The following SPATA32 variants were observed in gnomAD, a reference collection of about 807,000 sequenced individuals.
SPATA32 encodes spermatogenesis-associated protein 32.
SPATA32 carries 28 observed loss-of-function variants against 35.4 expected under a neutral mutation model. The ratio of observed to expected loss-of-function variants is 0.79; its 90% CI spans 0.59 to 1.09. The LOEUF (loss-of-function observed/expected upper bound fraction) is 1.09, where lower values mean the gene tolerates loss of function less well. SPATA32 is among the 50% of genes least tolerant of loss of function. The pLI is 0.00. For missense variants in SPATA32, 409 were observed against 475.9 expected (o/e 0.86, Z 1.31); for synonymous variants, 168 against 196.3 (o/e 0.86, Z 1.20).
chr17:45,261,852 G>T, intron 1 of SPATA32, 152 bp downstream of exon 1: 1 of 858,712 alleles, frequency 1.2e-6, no homozygotes. Context: ...CTTTGGCGGC[G>T]GGTCGACCTG....
rs1306985534 is a variant in SPATA32, at chr17:45,256,282, C to G, written c.108+94G>C. 5 of 1,376,762 alleles carry G rather than the reference C, an allele frequency of 3.6e-6. No individual in the cohort carries two copies. The Admixed American group carries it at 8.4e-5, about 23-fold the overall frequency. The allele number at this position is 1,376,762 out of a possible 1,614,324, so 85.3% of individuals were successfully genotyped here. On this transcript the variant is annotated intron_variant, in intron 3 of 4. Transcript: ENST00000331780. This position sits in a 1 kb window ranked among gnomAD's most constrained non-coding sequence, Gnocchi z 4.7. The stretch of plus-strand genomic sequence containing the variant: ...CCCACACCGGCCTGGTACTAGGGTC[C>G]CAGGATTGTCAAGGGTAGGGGCTGG...
intron 1 of SPATA32, chr17:45,260,140 T>C (rs2043992589): frequency 6.6e-6 from 1 of 151,584 alleles, no homozygotes; most frequent in Admixed American, 6.6e-5. Flanking sequence ...CTCAGTATGT[T>C]GCCCAGGCTG....
rs1598226804 is a variant in SPATA32 at position 45,256,541 on chromosome 17, A to C, written c.69-126T>G. 3.9e-6 allele frequency: 3 copies of C among 769,742 alleles called. No individual in the cohort carries two copies. The highest frequency in any genetic ancestry group is 1.5e-5 in the South Asian group (1 of 68,438). 47.7% of individuals were successfully genotyped at this position (769,742 alleles called of 1,614,324 possible). On this transcript the variant is annotated intron_variant, in intron 2 of 4. Coordinates refer to ENST00000331780, the MANE Select transcript of SPATA32 (RefSeq NM_152343.3). This position sits in a 1 kb window ranked among gnomAD's most constrained non-coding sequence, Gnocchi z 4.7. The stretch of plus-strand genomic sequence containing the variant: ...TGGCACGATGCACCTCCCGCCGACC[A>C]CCCCGCCACCAGCTCATCCACTCCC...
At position 45,256,200 on chromosome 17, in the gene SPATA32, C is replaced by A; in HGVS notation, c.109-127G>T. 2 of 1,274,958 alleles carry A rather than the reference C, an allele frequency of 1.6e-6. No individual in the cohort carries two copies. Among genetic ancestry groups the A allele is most frequent in the Non-Finnish European group, 2.2e-6 (2 of 892,854 alleles). 79.0% of individuals were successfully genotyped at this position (1,274,958 alleles called of 1,614,324 possible). On this transcript the variant is annotated intron_variant, in intron 3 of 4. Coordinates refer to ENST00000331780, the MANE Select transcript of SPATA32 (RefSeq NM_152343.3). This position sits in a 1 kb window ranked among gnomAD's most constrained non-coding sequence, Gnocchi z 4.7. The stretch of plus-strand genomic sequence containing the variant: ...TGCTGTCTTCCCCCCGCCCCCTAAC[C>A]CCATGCCTGCCTCCTCTCAGAGACC...
chr17:45,254,528 A>G lies in SPATA32; in HGVS notation c.1068-15T>C. 6.2e-7 allele frequency: 1 copy of G among 1,613,614 alleles called. No individual in the cohort carries two copies. ...GCGGCACTGAGCTGCAACACAAAAG[A>G]GAGAGTGTCACTTGGGCCCCAGAGG... On this transcript the variant is annotated splice_polypyrimidine_tract_variant and intron_variant, in intron 4 of 4. Coordinates refer to ENST00000331780, the MANE Select transcript of SPATA32 (RefSeq NM_152343.3).
intron 1 of SPATA32, among the ~76,000 whole-genome samples, chr17:45,259,018 T>C (rs2043981359): frequency 6.9e-6 from 1 of 145,492 alleles, no homozygotes; most frequent in Admixed American, 7.1e-5. Context: ...TACTAAAATC[T>C]TATTTGTTCT....
chr17:45,256,458 G>A lies in SPATA32; in HGVS notation c.69-43C>T, dbSNP rs1006899744. On this transcript the variant is annotated intron_variant, in intron 2 of 4. Coordinates refer to ENST00000331780, the MANE Select transcript of SPATA32 (RefSeq NM_152343.3). The surrounding 1 kb of genome is among the most constrained non-coding windows in gnomAD (Gnocchi z 4.7). ...AGAGTGGGTGATGGGGATCTGTGGG[G>A]CTTCAGCGGGAAGGGGGTTTCTGGG... 1.0e-5 allele frequency: 16 copies of A among 1,577,402 alleles called. No homozygotes were observed. The Admixed American group carries it at 2.2e-4, about 21-fold the overall frequency.
Position 45,256,252 on chromosome 17 carries a change from G to A in SPATA32, c.108+124C>T. On this transcript the variant is annotated intron_variant, in intron 3 of 4. Transcript: ENST00000331780. The surrounding 1 kb of genome is among the most constrained non-coding windows in gnomAD (Gnocchi z 4.7). ...GCCCGGTGAGGGGGTGTGTGTGTGG[G>A]TGTACCCACACCGGCCTGGTACTAG... The A allele has an allele frequency of 8.2e-7, 1 of 1,224,060 alleles. No individual in the cohort carries two copies. The highest frequency in any genetic ancestry group is 1.2e-6 in the Non-Finnish European group (1 of 830,502). 75.8% of individuals were successfully genotyped at this position (1,224,060 alleles called of 1,614,324 possible). A position where few individuals can be genotyped will look rare whatever the true frequency, so the allele number is the denominator to read the frequency against.
rs1466330372 is a variant in SPATA32 at position 45,254,444 on chromosome 17, G to A, written c.1137C>T (p.Pro379=). 1.3e-5 allele frequency: 21 copies of A among 1,614,138 alleles called. No individual in the cohort carries two copies. Among genetic ancestry groups the A allele is most frequent in the Non-Finnish European group, 1.8e-5 (21 of 1,179,976 alleles). The change falls in exon 5 of 5, where the codon CCC becomes CCT. Residue 379 remains proline, a synonymous_variant. Transcript: ENST00000331780. ...LVKIHFKLSA[P]TIPEK ...TGTCTAGTCATTTCTCTGGGATTGT[G>A]GGGGCTGACAGCTTAAAATGGATTT...
chr17:45,254,398 C>G lies in SPATA32; in HGVS notation c.*28G>C, dbSNP rs933653675. On this transcript the variant is annotated 3_prime_UTR_variant, in exon 5 of 5. Coordinates refer to ENST00000331780, the MANE Select transcript of SPATA32 (RefSeq NM_152343.3). The stretch of plus-strand genomic sequence containing the variant: ...CACAAAAGTCTAAGCCGACGGCCAG[C>G]ACTGGAGGCTTTATTGGTTCTGTCT... The G allele has an allele frequency of 1.9e-6, 3 of 1,605,380 alleles. No homozygotes were observed. Among genetic ancestry groups the G allele is most frequent in the African/African-American group, 1.3e-5 (1 of 74,830 alleles).
chr17:45,257,239 C>G (rs1354762108), intron 1 of SPATA32, 32 bp from the exon 2 acceptor site: 1 of 1,592,022 alleles, frequency 6.3e-7, no homozygotes, highest in Non-Finnish European at 8.6e-7. Flanking sequence ...GGGCAGGGAG[C>G]TGCAGGGTAG....
chr17:45,259,656 A>T (rs531996602), intron 1 of SPATA32, among the ~76,000 whole-genome samples: 1 of 151,976 alleles, frequency 6.6e-6, no homozygotes, highest in South Asian at 2.1e-4. Flanking sequence ...AGTAGCTGGG[A>T]CTACACGTGT....
chr17:45,259,240 C>A (rs922689290), intron 1 of SPATA32, among the ~76,000 whole-genome samples: 1 of 152,114 alleles, frequency 6.6e-6, no homozygotes, highest in Non-Finnish European at 1.5e-5. Flanking sequence ...AAGTGTTTAG[C>A]CTTTCACCAT....
intron 1 of SPATA32, among the ~76,000 whole-genome samples, chr17:45,257,831 C>G (rs1021713949): frequency 6.6e-6 from 1 of 152,152 alleles, no homozygotes; most frequent in African/African-American, 2.4e-5. Context: ...AGCACCTATC[C>G]GACGATTTAT....
chr17:45,261,840 G>T, intron 1 of SPATA32, 164 bp downstream of exon 1: 2 of 701,454 alleles, frequency 2.9e-6, no homozygotes, highest in Non-Finnish European at 4.0e-6. Context: ...GCACCGGGTG[G>T]GCTTTGGCGG....
chr17:45,254,608 TAA>T, intron 4 of SPATA32, 95 bp from the exon 5 acceptor site: 2 of 1,070,140 alleles, frequency 1.9e-6, no homozygotes, highest in Non-Finnish European at 2.9e-6. Context: ...TCGCTGGGGG[TAA>T]GGGGTCTTCT....
rs953274491 is a variant in SPATA32 at position 45,256,239 on chromosome 17, G to A, written c.108+137C>T. 8.3e-7 allele frequency: 1 copy of A among 1,200,604 alleles called. No individual in the cohort carries two copies. Among genetic ancestry groups the A allele is most frequent in the African/African-American group, 1.5e-5 (1 of 67,104 alleles). 74.4% of individuals were successfully genotyped at this position (1,200,604 alleles called of 1,614,324 possible). On this transcript the variant is annotated intron_variant, in intron 3 of 4. Coordinates refer to ENST00000331780, the MANE Select transcript of SPATA32 (RefSeq NM_152343.3). This position sits in a 1 kb window ranked among gnomAD's most constrained non-coding sequence, Gnocchi z 4.7. Reference sequence around the variant, plus strand: ...CTCTCAGAGACCTGCCCGGTGAGGGGGTGTGTGTGTGGGTGTACCCACACC... The same window carrying A: ...CTCTCAGAGACCTGCCCGGTGAGGGAGTGTGTGTGTGGGTGTACCCACACC...
At position 45,257,746 on chromosome 17, in the gene SPATA32, C is replaced by T. The variant is rs186791595; in HGVS notation, c.14-539G>A. ...ATTCCTGCTCCTCTGCCGGCTTCCTCTCCTCTCTCTGGGTCATCCATCACT... is the reference window on the plus strand; with the variant it reads ...ATTCCTGCTCCTCTGCCGGCTTCCTTTCCTCTCTCTGGGTCATCCATCACT... On this transcript the variant is annotated intron_variant, in intron 1 of 4. Coordinates refer to ENST00000331780, the MANE Select transcript of SPATA32 (RefSeq NM_152343.3). Among the ~76,000 whole-genome samples the T allele has an allele frequency of 4.3e-3, 658 of 152,328 alleles. 8 individuals are homozygous for T. The highest frequency in any genetic ancestry group is 0.015 in the African/African-American group (627 of 41,558).
chr17:45,261,388 T>G (rs1314131962), intron 1 of SPATA32, among the ~76,000 whole-genome samples: 1 of 152,122 alleles, frequency 6.6e-6, no homozygotes, highest in Non-Finnish European at 1.5e-5. Context: ...GCCCACCTAA[T>G]TTTTGACCGT....
Sources: gnomAD v4.1 joint callset for allele counts (sites outside exome capture counted in the v4.1 genomes callset) on GRCh38, gnomAD v4.1.1 for gene constraint, Gnocchi (gnomAD v3.1) non-coding constraint, MANE v1.5 for transcripts, NCBI Gene and HGNC (gene_info 2026-07-23, HGNC 2026-07-21) for gene names.